NDUFAF6: variants seen among roughly 807,000 people sequenced by gnomAD.
NDUFAF6 encodes NADH dehydrogenase (ubiquinone) complex I, assembly factor 6.
NDUFAF6 carries 45 observed loss-of-function variants against 40.8 expected under a neutral mutation model. That is an observed-to-expected ratio of 1.10 (90% CI 0.87 to 1.42). NDUFAF6 has a LOEUF of 1.42. NDUFAF6 is among the 40% of genes most tolerant of loss of function. The probability of loss-of-function intolerance (pLI) is 0.00; values close to 1 mark genes in which losing one functional copy is unlikely to be tolerated. For missense variants in NDUFAF6, 435 were observed against 418.5 expected, an observed-to-expected ratio of 1.04 and a Z score of -0.34; for synonymous variants, 185 against 155.9, an observed-to-expected ratio of 1.19 and a Z score of -1.39.
chr8:95,035,109 G>T (rs1300220809), intron 2 of NDUFAF6, among the ~76,000 whole-genome samples: 1 of 152,084 alleles, frequency 6.6e-6, no homozygotes, highest in Admixed American at 6.6e-5. Flanking sequence ...TTGAACTCCT[G>T]ACCTCAGGTG....
chr8:94,910,186 T>C (rs1818685275), intron 1 of NDUFAF6, among the ~76,000 whole-genome samples: 1 of 152,178 alleles, frequency 6.6e-6, no homozygotes, highest in Admixed American at 6.5e-5. Flanking sequence ...ATGGAGTCGC[T>C]CTGTCGCCTA....
chr8:95,008,945 A>G lies in NDUFAF6; in HGVS notation c.-83-23050A>G, dbSNP rs898304512. ...GGCATGGTGGCTCACGCCTATAATC[A>G]TAGCACTTAGGGAGGCTGAAGTGGG... On this transcript the variant is annotated intron_variant, in intron 2 of 9. Coordinates refer to the NDUFAF6 transcript ENST00000396111. 4.6e-5 allele frequency among the ~76,000 whole-genome samples: 7 copies of G among 152,168 alleles called. No homozygotes were observed. In the East Asian group the frequency reaches 9.6e-4, roughly 21 times the overall value.
chr8:95,047,055 C>T lies in NDUFAF6; in HGVS notation c.642C>T (p.Val214=), dbSNP rs61910718. The change falls in exon 6 of 9, where the codon GTC becomes GTT. Residue 214 remains valine, a synonymous_variant. Coordinates refer to ENST00000396124, the MANE Select transcript of NDUFAF6 (RefSeq NM_152416.4). ...ASHIGKAQGI[V]TCLRATPYHG... ...ATATTGGAAAAGCACAAGGCATTGT[C>T]ACTTGCTTGAGAGCAACACCATATC... The T allele has an allele frequency of 1.1e-3, 1,841 of 1,614,134 alleles. 14 individuals are homozygous for T. The African/African-American group carries it at 0.021, about 18-fold the overall frequency.
intron 3 of NDUFAF6, among the ~76,000 whole-genome samples, chr8:95,041,161 A>G (rs1830102163): frequency 6.6e-6 from 1 of 152,188 alleles, no homozygotes; most frequent in East Asian, 1.9e-4. Flanking sequence ...TGAGGCAGGA[A>G]GATAATTTGA....
chr8:94,938,131 A>G (rs1383964520), intron 1 of NDUFAF6, among the ~76,000 whole-genome samples: 2 of 152,234 alleles, frequency 1.3e-5, no homozygotes, highest in Non-Finnish European at 2.9e-5. Context: ...GGTATACCAG[A>G]TGCCTGAAAG....
chr8:94,913,730 T>A (rs968928711), intron 1 of NDUFAF6, among the ~76,000 whole-genome samples: 4 of 152,212 alleles, frequency 2.6e-5, no homozygotes, highest in African/African-American at 9.6e-5. Flanking sequence ...GCCCAAGAAT[T>A]TGAGGCTTCA....
At chr8:94,993,516 C>T (rs1376152017) in intron 2 of NDUFAF6, among the ~76,000 whole-genome samples, 1 of 152,232 alleles carries the variant, frequency 6.6e-6, no homozygotes, top group African/African-American at 2.4e-5. Context: ...GCAGTTTCTA[C>T]TTATACTTTC....
At chr8:95,022,336 G>T (rs569875766), upstream of NDUFAF6, among the ~76,000 whole-genome samples, 3 of 151,452 alleles carry the variant, frequency 2.0e-5, no homozygotes, top group Middle Eastern at 0.01. Context: ...GAGTAATGAA[G>T]AAGGACTAGC....
chr8:95,000,941 T>C (rs1826701175), intron 2 of NDUFAF6, among the ~76,000 whole-genome samples: 1 of 151,072 alleles, frequency 6.6e-6, no homozygotes, highest in Non-Finnish European at 1.5e-5. Context: ...TGTTTCCAAA[T>C]TGCTTCCCCT....
chr8:94,997,363 G>C (rs1826500467), intron 2 of NDUFAF6, among the ~76,000 whole-genome samples: 1 of 148,490 alleles, frequency 6.7e-6, no homozygotes, highest in South Asian at 2.1e-4. Flanking sequence ...GAGAGAGAGA[G>C]AGACAGAGAG....
At chr8:95,118,348 A>G (rs1461440161), downstream of NDUFAF6, among the ~76,000 whole-genome samples, 1 of 152,182 alleles carries the variant, frequency 6.6e-6, no homozygotes, top group Non-Finnish European at 1.5e-5. Flanking sequence ...TTCAGGTTCA[A>G]AGGGAGGGGA....
Position 95,045,540 on chromosome 8 carries a change from TGTA to T in NDUFAF6, c.478-3_478-1del, listed in dbSNP as rs1214700715. On this transcript the variant is annotated splice_acceptor_variant and splice_polypyrimidine_tract_variant and intron_variant, in intron 4 of 8. Transcript: ENST00000396124. LOFTEE classifies it high-confidence loss of function. ...CAGACTTTATTTGCATTTTATTTGA[TGTA>T]GGAAAAAAATCTGGATGACAAAGCA... 1.2e-6 allele frequency: 2 copies of T among 1,605,438 alleles called. No homozygotes were observed. Among genetic ancestry groups the T allele is most frequent in the Admixed American group, 3.3e-5 (2 of 59,990 alleles).
At chr8:95,104,875 G>T (rs1332785482), downstream of NDUFAF6, among the ~76,000 whole-genome samples, 2 of 152,132 alleles carry the variant, frequency 1.3e-5, no homozygotes, top group Non-Finnish European at 2.9e-5. Context: ...ATGAGCTGCG[G>T]CAGCCAGAGT....
At chr8:95,020,447 CTGTATGGTGCCT>C (rs1163925018), upstream of NDUFAF6, among the ~76,000 whole-genome samples, 1 of 152,198 alleles carries the variant, frequency 6.6e-6, no homozygotes, top group African/African-American at 2.4e-5. Context: ...GACTGCAAGC[CTGTATGGTGCCT>C]TGTTATAAAT....
chr8:94,982,142 G>T (rs1825498369), intron 2 of NDUFAF6, among the ~76,000 whole-genome samples: 1 of 151,818 alleles, frequency 6.6e-6, no homozygotes, highest in South Asian at 2.1e-4. Flanking sequence ...TGAGGCGGGA[G>T]AATGGCGTGA....
upstream of NDUFAF6, among the ~76,000 whole-genome samples, chr8:95,022,620 A>G (rs1490061161): frequency 4.0e-5 from 6 of 151,862 alleles, no homozygotes. Context: ...AAAAAAGTGA[A>G]ATCTACAAGT....
At chr8:94,997,722 A>G (rs1023001337) in intron 2 of NDUFAF6, among the ~76,000 whole-genome samples, 2 of 152,236 alleles carry the variant, frequency 1.3e-5, no homozygotes, top group Admixed American at 1.3e-4. Context: ...CAGGTCTGTA[A>G]TAAGCAGCTC....
chr8:95,086,421 C>G (rs1809044348), intron 2 of NDUFAF6, among the ~76,000 whole-genome samples: 1 of 152,116 alleles, frequency 6.6e-6, no homozygotes. Flanking sequence ...ATTGCTTAGC[C>G]CCATGGCAGC....
chr8:94,974,200 G>A (rs1022997398), intron 1 of NDUFAF6, among the ~76,000 whole-genome samples: 3 of 149,528 alleles, frequency 2.0e-5, no homozygotes, highest in African/African-American at 7.4e-5. Flanking sequence ...TGCAGCAGGT[G>A]TCTACTTAGA....
Sources: gnomAD v4.1 joint callset for allele counts (sites outside exome capture counted in the v4.1 genomes callset) on GRCh38, gnomAD v4.1.1 for gene constraint, MANE v1.5 for transcripts, NCBI Gene and HGNC (gene_info 2026-07-23, HGNC 2026-07-21) for gene names.